RIMBP2: variants seen among roughly 807,000 people sequenced by gnomAD.
RIMBP2 encodes the protein RIMS-binding protein 2.
Under a neutral mutation model 118.6 loss-of-function variants are expected in RIMBP2, and 48 were observed. The observed-to-expected ratio is 0.40, with a 90% confidence interval of 0.32 to 0.51. The LOEUF is 0.51. Ranked by LOEUF, RIMBP2 falls within the 20% of genes least tolerant of loss-of-function variation. The pLI is 0.41. For missense variants in RIMBP2, 1,551 were observed against 1,768.3 expected (o/e 0.88, Z 2.20); for synonymous variants, 762 against 742.9 (o/e 1.03, Z -0.42).
chr12:130,488,771 G>A (rs1304639211), intron 4 of RIMBP2, among the ~76,000 whole-genome samples: 1 of 152,204 alleles, frequency 6.6e-6, no homozygotes, highest in Non-Finnish European at 1.5e-5. Context: ...TCAGGGAAGA[G>A]CAGAAACTGG....
intron 2 of RIMBP2, among the ~76,000 whole-genome samples, chr12:130,530,205 G>A (rs1014706602): frequency 6.6e-6 from 1 of 152,120 alleles, no homozygotes; most frequent in African/African-American, 2.4e-5. Flanking sequence ...GCCAATACTA[G>A]AGGGAAAACT....
rs2078210933 is a variant in RIMBP2, at chr12:130,442,473, G to A, written c.879C>T (p.Gly293=). The change falls in exon 11 of 23, where the codon GGC becomes GGT. Residue 293 remains glycine (G), a synonymous_variant. Transcript: ENST00000690449. This position sits in a 1 kb window ranked among gnomAD's most constrained non-coding sequence, Gnocchi z 6.9. ...DLHSPTHIDA[G]ITDNSAGTLD... is the part of the protein sequence containing the mutation. Reference sequence around the variant, plus strand: ...GGGTCCCGGCACTGTTGTCGGTGATGCCCGCATCTATGTGGGTTGGGGAGT... The same window carrying A: ...GGGTCCCGGCACTGTTGTCGGTGATACCCGCATCTATGTGGGTTGGGGAGT... 1 of 1,614,230 alleles carries A rather than the reference G, an allele frequency of 6.2e-7. No individual in the cohort carries two copies. The highest frequency in any genetic ancestry group is 8.5e-7 in the Non-Finnish European group (1 of 1,180,042).
chr12:130,674,140 G>A (rs1241265363), intron 1 of RIMBP2, among the ~76,000 whole-genome samples: 1 of 151,976 alleles, frequency 6.6e-6, no homozygotes, highest in Non-Finnish European at 1.5e-5. Context: ...TAAAAAAAAT[G>A]TGTGTGGCGC....
At chr12:130,440,989 T>G (rs1036692823) in intron 11 of RIMBP2, among the ~76,000 whole-genome samples, 2 of 151,646 alleles carry the variant, frequency 1.3e-5, no homozygotes, top group African/African-American at 4.9e-5. Context: ...CTCCCTACCA[T>G]CTCCCCAGGA....
chr12:130,676,037 C>T (rs1213012356), intron 1 of RIMBP2, among the ~76,000 whole-genome samples: 3 of 152,220 alleles, frequency 2.0e-5, no homozygotes, highest in Admixed American at 2.0e-4. Context: ...CGCGTGAGGA[C>T]ACAGCCTTGA....
chr12:130,408,160 G>A (rs1027421123), intron 19 of RIMBP2, among the ~76,000 whole-genome samples: 4 of 152,322 alleles, frequency 2.6e-5, no homozygotes, highest in Admixed American at 6.5e-5. Context: ...TGGCCAGCAC[G>A]GGGAGGCCGT....
At position 130,472,945 on chromosome 12, in the gene RIMBP2, A is replaced by C. The variant is rs1040436853; in HGVS notation, c.103-2202T>G. 1.8e-4 allele frequency among the ~76,000 whole-genome samples: 27 copies of C among 152,372 alleles called. 2 individuals are homozygous for C. The South Asian group carries it at 5.4e-3, about 30-fold the overall frequency. ...TTTCAAAGCAAAAACCAGCAAGAGC[A>C]ACAATAAATAGCAAAATAGAAAAAG... On this transcript the variant is annotated intron_variant, in intron 5 of 22. Transcript: ENST00000690449.
At chr12:130,674,133 A>G (rs1594184297) in intron 1 of RIMBP2, among the ~76,000 whole-genome samples, 1 of 152,096 alleles carries the variant, frequency 6.6e-6, no homozygotes, top group East Asian at 1.9e-4. Context: ...TAAAAAATAA[A>G]AAAAATGTGT....
intron 1 of RIMBP2, among the ~76,000 whole-genome samples, chr12:130,685,921 T>G (rs2065019641): frequency 6.6e-6 from 1 of 152,150 alleles, no homozygotes; most frequent in African/African-American, 2.4e-5. Context: ...CTCCTTCCCC[T>G]AGGTCCGCCC....
intron 4 of RIMBP2, among the ~76,000 whole-genome samples, chr12:130,481,681 G>T (rs933708093): frequency 6.6e-6 from 1 of 152,138 alleles, no homozygotes. Flanking sequence ...AGTGGCCCTC[G>T]CCAGTTCACT....
Position 130,699,904 on chromosome 12 carries a change from TAAAAAA to T in RIMBP2, c.-352+16312_-352+16317del, listed in dbSNP as rs33963621. ...TGGGTGATGGTGTGAGACTCTGTCT[TAAAAAA>T]AAAAAAAAAAAAAAAAAAAGAAATA... On this transcript the variant is annotated intron_variant, in intron 1 of 22. Coordinates refer to ENST00000690449, the MANE Select transcript of RIMBP2 (RefSeq NM_001393629.1). Among the ~76,000 whole-genome samples the T allele has an allele frequency of 4.4e-3, 381 of 85,666 alleles. 3 individuals carry two copies. The highest frequency in any genetic ancestry group is 0.014 in the African/African-American group (364 of 26,256). 56.2% of individuals were successfully genotyped at this position (85,666 alleles called of 152,430 possible). A position where few individuals can be genotyped will look rare whatever the true frequency, so the allele number is the denominator to read the frequency against.
intron 3 of RIMBP2, among the ~76,000 whole-genome samples, chr12:130,512,044 G>A (rs1593592728): frequency 6.6e-6 from 1 of 152,208 alleles, no homozygotes; most frequent in African/African-American, 2.4e-5. Flanking sequence ...CTCTAATTCA[G>A]CAGCCGCTGA....
In RIMBP2 at chr12:130,620,124, G is replaced by C. The variant is rs954560584; in HGVS notation, c.-217+8198C>G. ...CTCACTCTTCTGGCCAGAGCTTCCA[G>C]ACTCTGCTTTGGAAGTGGTCTGCTG... On this transcript the variant is annotated intron_variant, in intron 2 of 22. Coordinates refer to ENST00000690449, the MANE Select transcript of RIMBP2 (RefSeq NM_001393629.1). This position sits in a 1 kb window ranked among gnomAD's most constrained non-coding sequence, Gnocchi z 5.3. Among the ~76,000 whole-genome samples, 25 of 152,326 alleles carry C rather than the reference G, an allele frequency of 1.6e-4. No individual in the cohort carries two copies. Among genetic ancestry groups the C allele is most frequent in the African/African-American group, 5.8e-4 (24 of 41,576 alleles).
intron 2 of RIMBP2, among the ~76,000 whole-genome samples, chr12:130,589,413 C>G (rs1369976789): frequency 6.6e-6 from 1 of 152,222 alleles, no homozygotes; most frequent in Non-Finnish European, 1.5e-5. Flanking sequence ...TTGATGTACT[C>G]AATGAATCAC....
At position 130,431,734 on chromosome 12, in the gene RIMBP2, G is replaced by A. The variant is rs1024058486; in HGVS notation, c.2253+3000C>T. 6.5e-6 allele frequency: 1 copy of A among 154,552 alleles called. No individual in the cohort carries two copies. Among genetic ancestry groups the A allele is most frequent in the African/African-American group, 2.4e-5 (1 of 41,418 alleles). 9.6% of individuals were successfully genotyped at this position (154,552 alleles called of 1,614,324 possible). ...AGGAAAACGTGTTAATAGCATGCTT[G>A]GCCAAACAGACTTCCTCTGCAGTCT... On this transcript the variant is annotated intron_variant, in intron 14 of 22. Transcript: ENST00000690449. The surrounding 1 kb of genome is among the most constrained non-coding windows in gnomAD (Gnocchi z 4.0).
chr12:130,435,796 G>T (rs1032305438), intron 13 of RIMBP2, among the ~76,000 whole-genome samples: 1 of 152,246 alleles, frequency 6.6e-6, no homozygotes, highest in African/African-American at 2.4e-5. Flanking sequence ...GGTGCTGCCG[G>T]GGCAGCCCCA....
Position 130,623,447 on chromosome 12 carries a change from A to AT in RIMBP2, c.-217+4874dup, listed in dbSNP as rs1566389594. ...CTGAAGTAGAGGCACATTTGCACAGATTCTCGAGTAATGTACACAGGTAGC... is the reference window on the plus strand; with the variant it reads ...CTGAAGTAGAGGCACATTTGCACAGATTTCTCGAGTAATGTACACAGGTAGC... On this transcript the variant is annotated intron_variant, in intron 2 of 22. Transcript: ENST00000690449. The surrounding 1 kb of genome is among the most constrained non-coding windows in gnomAD (Gnocchi z 4.1). Among the ~76,000 whole-genome samples, 3 of 151,758 alleles carry AT rather than the reference A, an allele frequency of 2.0e-5. No homozygotes were observed. Among genetic ancestry groups the AT allele is most frequent in the African/African-American group, 7.3e-5 (3 of 41,258 alleles).
intron 7 of RIMBP2, among the ~76,000 whole-genome samples, chr12:130,453,393 A>T (rs149809175): frequency 1.8e-4 from 28 of 152,374 alleles, no homozygotes; most frequent in African/African-American, 6.5e-4. Flanking sequence ...TCTTGCGGCC[A>T]GCCCTGCACC....
rs200365156 is a variant in RIMBP2 at position 130,434,680 on chromosome 12, C to T, written c.2253+54G>A. 40 of 1,565,226 alleles carry T rather than the reference C, an allele frequency of 2.6e-5. No individual in the cohort carries two copies. The highest frequency in any genetic ancestry group is 8.2e-5 in the African/African-American group (6 of 73,102). On this transcript the variant is annotated intron_variant, in intron 14 of 22. Coordinates refer to ENST00000690449, the MANE Select transcript of RIMBP2 (RefSeq NM_001393629.1). This position sits in a 1 kb window ranked among gnomAD's most constrained non-coding sequence, Gnocchi z 5.7. The stretch of plus-strand genomic sequence containing the variant: ...CATGTCTCTTGATCTCCACGGGGCC[C>T]GCTCCGAGCCCGCGCCCACCAGGAG...
Sources: allele counts gnomAD v4.1 joint callset (sites outside exome capture counted in the v4.1 genomes callset), GRCh38; gene constraint gnomAD v4.1.1; non-coding constraint Gnocchi (gnomAD v3.1); transcripts MANE v1.5; gene names NCBI Gene and HGNC (gene_info 2026-07-23, HGNC 2026-07-21).